Variants in GFPT1 observed in about 807,000 individuals in gnomAD.
GFPT1 encodes glutamine--fructose-6-phosphate transaminase 1.
GFPT1 carries 40 observed loss-of-function variants against 92.0 expected under a neutral mutation model. The observed-to-expected ratio is 0.43, with a 90% CI of 0.34 to 0.57. The LOEUF is 0.57. Ranked by LOEUF, GFPT1 falls within the 20% of genes least tolerant of loss-of-function variation. The pLI is 0.02. For missense variants in GFPT1, 448 were observed against 869.1 expected (o/e 0.52, Z 6.09); for synonymous variants, 269 against 280.6 (o/e 0.96, Z 0.41).
chr2:69,325,806 A>C lies in GFPT1; in HGVS notation c.*383T>G, dbSNP rs886056255. 1 of 179,120 alleles carries C rather than the reference A, an allele frequency of 5.6e-6. No homozygotes were observed. The allele number at this position is 179,120 out of a possible 1,614,324, so 11.1% of individuals were successfully genotyped here. A position where few individuals can be genotyped will look rare whatever the true frequency, so the allele number is the denominator to read the frequency against. The stretch of plus-strand genomic sequence containing the variant: ...GCCACTGGCTTTAGATACTCCAATT[A>C]AATGCACTACTCTTTCACTGGTCTG... On this transcript the variant is annotated 3_prime_UTR_variant, in exon 20 of 20. Coordinates refer to ENST00000357308, the MANE Select transcript of GFPT1 (RefSeq NM_001244710.2).
intron 10 of GFPT1, among the ~76,000 whole-genome samples, chr2:69,349,744 C>G (rs1312863615): frequency 6.6e-6 from 1 of 152,136 alleles, no homozygotes; most frequent in African/African-American, 2.4e-5. Context: ...GGGATACTAA[C>G]TAAGCCATTT....
At chr2:69,354,911 G>A (rs946922751) in intron 7 of GFPT1, among the ~76,000 whole-genome samples, 1 of 152,084 alleles carries the variant, frequency 6.6e-6, no homozygotes, top group African/African-American at 2.4e-5. Context: ...GGCTGAGTTA[G>A]GAGGATTGCC....
chr2:69,387,008 C>A, intron 1 of GFPT1, 57 bp downstream of exon 1: 5 of 1,353,588 alleles, frequency 3.7e-6, no homozygotes, highest in Non-Finnish European at 5.1e-6. Context: ...CTTAGCGGCA[C>A]CCGCACCGCA....
In GFPT1 at chr2:69,374,035, C is replaced by G; in HGVS notation, c.86G>C (p.Arg29Thr). 1 of 1,581,204 alleles carries G rather than the reference C, an allele frequency of 6.3e-7. No individual in the cohort carries two copies. The highest frequency in any genetic ancestry group is 8.7e-7 in the Non-Finnish European group (1 of 1,150,804). ...ILETLIKGLQRLEYRGYDSAG... is the reference protein window; with the variant it reads ...ILETLIKGLQTLEYRGYDSAG... Reference sequence around the variant, plus strand: ...AGAATCATATCCTCTGTACTCCAGTCTCTGAAGGCCTTTGATTAGGGTCTC... The same window carrying G: ...AGAATCATATCCTCTGTACTCCAGTGTCTGAAGGCCTTTGATTAGGGTCTC... Residue 29 changes from arginine to threonine, a missense_variant, in exon 2 of 20, where the codon AGA (arginine) becomes ACA (threonine). Arg to Thr is a moderately conservative substitution (Grantham distance 71). This residue lies in a region of GFPT1 where 72 missense variants were observed against 95.1 expected (regional missense o/e 0.76). Transcript: ENST00000357308.
Position 69,374,090 on chromosome 2 carries a change from G to A in GFPT1, c.31C>T (p.His11Tyr). The A allele has an allele frequency of 6.3e-7, 1 of 1,581,552 alleles. No homozygotes were observed. Among genetic ancestry groups the A allele is most frequent in the Non-Finnish European group, 8.7e-7 (1 of 1,152,296 alleles). Residue 11 changes from histidine to tyrosine, a missense_variant, in exon 2 of 20, where the codon CAT (histidine) becomes TAT (tyrosine). Physicochemically the swap from His to Tyr is moderately conservative, Grantham distance 83. Around this residue, in one of 7 missense-constraint regions of GFPT1, gnomAD observed 72 missense variants for 95.1 expected, o/e 0.76. Transcript: ENST00000357308. ...ATTTCTCGTCTCGTTCGAGGAACAT[G>A]GTAGTTTAAGTAAGCAAATATACCT... MCGIFAYLNY[H>Y]VPRTRREILE...
intron 2 of GFPT1, chr2:69,371,539 T>A (rs1056718990): frequency 1.3e-5 from 2 of 151,814 alleles, no homozygotes; most frequent in African/African-American, 4.8e-5. Flanking sequence ...AAATTAAAAT[T>A]AAAAATAAAA....
intron 1 of GFPT1, among the ~76,000 whole-genome samples, chr2:69,381,716 G>T (rs887242871): frequency 2.1e-5 from 2 of 96,496 alleles, no homozygotes; most frequent in African/African-American, 1.3e-4. Flanking sequence ...ACCATGCCTG[G>T]CTAATTTTTT....
intron 15 of GFPT1, among the ~76,000 whole-genome samples, chr2:69,333,985 G>A (rs764740514): frequency 2.0e-5 from 3 of 152,114 alleles, no homozygotes; most frequent in Non-Finnish European, 2.9e-5. Context: ...GTGACACCCA[G>A]TCTCTACTAA....
At chr2:69,329,575 A>C in intron 16 of GFPT1, 109 bp downstream of exon 16, 1 of 967,324 alleles carries the variant, frequency 1.0e-6, no homozygotes, top group Non-Finnish European at 1.7e-6. Context: ...AAACGTAGAA[A>C]GATCTTATTG....
chr2:69,350,689 G>A (rs1671184286), intron 9 of GFPT1, among the ~76,000 whole-genome samples: 1 of 152,032 alleles, frequency 6.6e-6, no homozygotes, highest in South Asian at 2.1e-4. Flanking sequence ...AATCACTTGA[G>A]GTCAGGAGTT....
At chr2:69,340,500 C>G (rs1403796209) in intron 13 of GFPT1, among the ~76,000 whole-genome samples, 1 of 152,028 alleles carries the variant, frequency 6.6e-6, no homozygotes, top group African/African-American at 2.4e-5. Flanking sequence ...ATCACTGGAA[C>G]GTTAAGCATG....
At chr2:69,356,618 G>C (rs572666712) in intron 6 of GFPT1, 61 bp from the exon 7 acceptor site, 5 of 1,170,884 alleles carry the variant, frequency 4.3e-6, no homozygotes, top group Admixed American at 1.7e-5. Flanking sequence ...GAAATGCCTA[G>C]AACATACTGG....
chr2:69,366,380 C>G (rs1671611646), intron 3 of GFPT1, among the ~76,000 whole-genome samples: 1 of 152,124 alleles, frequency 6.6e-6, no homozygotes, highest in South Asian at 2.1e-4. Context: ...CTTGACGCTT[C>G]CTTATTGTCT....
intron 3 of GFPT1, among the ~76,000 whole-genome samples, chr2:69,366,918 A>T (rs1001860112): frequency 2.0e-5 from 3 of 152,216 alleles, no homozygotes; most frequent in African/African-American, 7.2e-5. Flanking sequence ...TTCAAAAAAA[A>T]TACTTCAAAC....
intron 11 of GFPT1, among the ~76,000 whole-genome samples, chr2:69,347,542 A>G (rs893900613): frequency 1.3e-5 from 2 of 151,496 alleles, no homozygotes; most frequent in Admixed American, 1.3e-4. Context: ...CAATGGCGCA[A>G]TCTCGGCTCA....
chr2:69,352,317 T>TA (rs1437004497), intron 9 of GFPT1, among the ~76,000 whole-genome samples: 2 of 150,898 alleles, frequency 1.3e-5, no homozygotes, highest in South Asian at 2.1e-4. Context: ...GCTCAGCATT[T>TA]TAAAAAAATA....
rs759279727 is a variant in GFPT1, at chr2:69,350,093, A to C, written c.830T>G (p.Phe277Cys). ...PVEEKAVEYY[F>C]ASDASAVIEH... is the part of the protein sequence containing the mutation. ...GGAAGCTCACCTTGCATCAGAAGCA[A>C]AGTAATACTCCACTGCTTTTTCTTC... Residue 277 changes from phenylalanine (F) to cysteine (C), a missense_variant, in exon 10 of 20, where the codon TTT becomes TGT. This residue lies in a region of GFPT1 where 121 missense variants were observed against 304.3 expected (regional missense o/e 0.40). Transcript: ENST00000357308. 1 of 1,611,486 alleles carries C rather than the reference A, an allele frequency of 6.2e-7. No individual in the cohort carries two copies. Among genetic ancestry groups the C allele is most frequent in the Non-Finnish European group, 8.5e-7 (1 of 1,177,570 alleles).
chr2:69,365,553 C>T (rs997478022), intron 3 of GFPT1, among the ~76,000 whole-genome samples: 1 of 152,190 alleles, frequency 6.6e-6, no homozygotes, highest in African/African-American at 2.4e-5. Context: ...GTCAACCTAG[C>T]TTCCACCAGA....
chr2:69,323,128 A>T lies in GFPT1; in HGVS notation c.*3061T>A, dbSNP rs1186144535. On this transcript the variant is annotated 3_prime_UTR_variant, in exon 20 of 20. Transcript: ENST00000357308. Reference sequence around the variant, plus strand: ...TTATCTTTTATTCTTATGGCACAGAATTTATTTTAAAAGACTGAAAAACTG... The same window carrying T: ...TTATCTTTTATTCTTATGGCACAGATTTTATTTTAAAAGACTGAAAAACTG... The T allele has an allele frequency of 1.3e-5, 2 of 152,234 alleles. No homozygotes were observed. The highest frequency in any genetic ancestry group is 4.1e-4 in the South Asian group (2 of 4,836). 9.4% of individuals were successfully genotyped at this position (152,234 alleles called of 1,614,324 possible).
Sources: gnomAD v4.1 joint callset for allele counts (sites outside exome capture counted in the v4.1 genomes callset) on GRCh38, gnomAD v4.1.1 for gene constraint, gnomAD v4.1.1 regional missense constraint, MANE v1.5 for transcripts, NCBI Gene and HGNC (gene_info 2026-07-23, HGNC 2026-07-21) for gene names.